KYNU: variants seen among roughly 807,000 people sequenced by gnomAD.
KYNU encodes the protein kynureninase.
A neutral mutation model predicts 59.2 loss-of-function variants in KYNU; 54 were observed. That is an observed-to-expected ratio of 0.91 (90% CI 0.73 to 1.14). The LOEUF (loss-of-function observed/expected upper bound fraction) is 1.14. KYNU is among the 50% of genes most tolerant of loss of function. KYNU has a pLI of 0.00. For missense variants in KYNU, 567 were observed against 554.4 expected (o/e 1.02, Z -0.23); for synonymous variants, 177 against 192.0 (o/e 0.92, Z 0.65).
At chr2:142,935,893 G>A (rs140688738) in intron 4 of KYNU, among the ~76,000 whole-genome samples, 18 of 152,254 alleles carry the variant, frequency 1.2e-4, no homozygotes, top group African/African-American at 3.9e-4. Flanking sequence ...AGGAGAGGGC[G>A]ATGAGGAAGG....
At chr2:142,942,423 C>A (rs1175742137) in intron 4 of KYNU, among the ~76,000 whole-genome samples, 1 of 152,122 alleles carries the variant, frequency 6.6e-6, no homozygotes, top group Non-Finnish European at 1.5e-5. Context: ...TTTTGTATTA[C>A]AATTTATCTG....
intron 1 of KYNU, 117 bp from the exon 2 acceptor site, chr2:142,885,232 T>C (rs1200844484): frequency 1.9e-5 from 15 of 784,394 alleles, no homozygotes; most frequent in Non-Finnish European, 3.0e-5. Context: ...TTAAGTATAT[T>C]ATTCCTGAGG....
At chr2:142,962,862 A>G (rs544358758) in intron 8 of KYNU, among the ~76,000 whole-genome samples, 1 of 152,334 alleles carries the variant, frequency 6.6e-6, no homozygotes, top group African/African-American at 2.4e-5. Context: ...GTAGACTTCG[A>G]TAGGTCTCTC....
chr2:142,939,600 CA>C (rs1306906764), intron 4 of KYNU, among the ~76,000 whole-genome samples: 1 of 29,500 alleles, frequency 3.4e-5, no homozygotes, highest in Non-Finnish European at 5.9e-5. Flanking sequence ...GACTCCATCT[CA>C]CAAAAAAAAA....
intron 10 of KYNU, among the ~76,000 whole-genome samples, chr2:142,987,439 C>G (rs916961850): frequency 1.3e-5 from 2 of 151,910 alleles, no homozygotes; most frequent in Admixed American, 1.3e-4. Flanking sequence ...GGACAAGGAA[C>G]AAGGACAAAG....
chr2:143,023,593 G>A (rs1686468017), intron 10 of KYNU, among the ~76,000 whole-genome samples: 1 of 151,692 alleles, frequency 6.6e-6, no homozygotes, highest in African/African-American at 2.4e-5. Flanking sequence ...GTGTGGTATT[G>A]TGTTATGAAC....
At chr2:142,993,271 T>C in intron 10 of KYNU, among the ~76,000 whole-genome samples, 1 of 152,024 alleles carries the variant, frequency 6.6e-6, no homozygotes, top group Non-Finnish European at 1.5e-5. Context: ...CTTTTTATTC[T>C]CCTCATTAGA....
intron 2 of KYNU, among the ~76,000 whole-genome samples, chr2:142,887,377 A>T (rs1681553473): frequency 6.6e-6 from 1 of 152,188 alleles, no homozygotes; most frequent in Non-Finnish European, 1.5e-5. Flanking sequence ...CAGCCACTGT[A>T]GGAAAGAGTA....
At chr2:142,957,889 C>T (rs351681) in intron 7 of KYNU, 174 bp downstream of exon 7, 25,112 of 576,134 alleles carry the variant, frequency 0.044, 2,201 homozygotes, top group African/African-American at 0.24. Flanking sequence ...GAGAATAACT[C>T]AGATGTGTAT....
chr2:142,890,895 T>C (rs1681689826), intron 2 of KYNU, among the ~76,000 whole-genome samples: 1 of 152,254 alleles, frequency 6.6e-6, no homozygotes, highest in Non-Finnish European at 1.5e-5. Flanking sequence ...TCCTTGGTCA[T>C]TGCTTTCCTT....
At chr2:142,970,247 CT>C (rs1343448380) in intron 8 of KYNU, among the ~76,000 whole-genome samples, 1 of 152,120 alleles carries the variant, frequency 6.6e-6, no homozygotes, top group Non-Finnish European at 1.5e-5. Flanking sequence ...GATAATCTAT[CT>C]TATGGAGGAG....
Position 143,033,293 on chromosome 2 carries a change from T to G in KYNU, c.1013T>G (p.Leu338Trp), listed in dbSNP as rs1311160628. 6.2e-7 allele frequency: 1 copy of G among 1,613,958 alleles called. No individual in the cohort carries two copies. Among genetic ancestry groups the G allele is most frequent in the Admixed American group, 1.7e-5 (1 of 60,016 alleles). The change falls in exon 12 of 14, where the codon TTG becomes TGG. Residue 338 changes from leucine (L) to tryptophan (W), a missense_variant. By Grantham distance (61) the Leu-to-Trp change is moderately conservative (BLOSUM62 -2). Coordinates refer to ENST00000264170, the MANE Select transcript of KYNU (RefSeq NM_003937.3). ...GFRISNPPIL[L>W]VCSLHASLEI... is the part of the protein sequence containing the mutation. Reference sequence around the variant, plus strand: ...CGAATTTCAAATCCTCCCATTTTGTTGGTCTGTTCCTTGCATGCTAGTTTA... The same window carrying G: ...CGAATTTCAAATCCTCCCATTTTGTGGGTCTGTTCCTTGCATGCTAGTTTA...
At chr2:142,894,990 A>G (rs528945629) in intron 2 of KYNU, among the ~76,000 whole-genome samples, 2 of 152,314 alleles carry the variant, frequency 1.3e-5, no homozygotes, top group South Asian at 4.1e-4. Context: ...ATGCTGGACC[A>G]TGATGTTCCC....
At chr2:142,994,755 G>A (rs1178536016) in intron 10 of KYNU, among the ~76,000 whole-genome samples, 1 of 151,972 alleles carries the variant, frequency 6.6e-6, no homozygotes, top group East Asian at 1.9e-4. Context: ...AATCTACAGT[G>A]CCCAAGAAAG....
At chr2:142,981,356 T>G (rs191768590) in intron 8 of KYNU, among the ~76,000 whole-genome samples, 6 of 152,270 alleles carry the variant, frequency 3.9e-5, no homozygotes, top group African/African-American at 1.4e-4. Flanking sequence ...AAAAGTTGCT[T>G]TAATTGGAAA....
rs1687331995 is a variant in KYNU at position 143,055,107 on chromosome 2, G to A, written c.*12935G>A. 6.6e-6 allele frequency: 1 copy of A among 152,008 alleles called. No individual in the cohort carries two copies. The highest frequency in any genetic ancestry group is 6.6e-5 in the Admixed American group (1 of 15,264). The allele number at this position is 152,008 out of a possible 1,614,324, so 9.4% of individuals were successfully genotyped here. A position where few individuals can be genotyped will look rare whatever the true frequency, so the allele number is the denominator to read the frequency against. On this transcript the variant is annotated 3_prime_UTR_variant, in exon 14 of 14. Coordinates refer to ENST00000264170, the MANE Select transcript of KYNU (RefSeq NM_003937.3). ...CTGCAAAATTATAAAAAAGAACGAT[G>A]ACAAACTAAAAAGGTGTAGTATTCT...
At chr2:142,944,942 G>A (rs1193168433) in intron 4 of KYNU, among the ~76,000 whole-genome samples, 1 of 152,166 alleles carries the variant, frequency 6.6e-6, no homozygotes, top group Non-Finnish European at 1.5e-5. Context: ...GTATGCAATA[G>A]CATTGCATCT....
chr2:143,027,058 G>A, intron 10 of KYNU, among the ~76,000 whole-genome samples: 1 of 152,164 alleles, frequency 6.6e-6, no homozygotes, highest in East Asian at 1.9e-4. Flanking sequence ...CTCACTTTGG[G>A]CTGTGGTTTC....
chr2:143,053,191 T>A lies in KYNU; in HGVS notation c.*11019T>A, dbSNP rs1385308068. 6.6e-6 allele frequency: 1 copy of A among 152,272 alleles called. No homozygotes were observed. Among genetic ancestry groups the A allele is most frequent in the African/African-American group, 2.4e-5 (1 of 41,470 alleles). 9.4% of individuals were successfully genotyped at this position (152,272 alleles called of 1,614,324 possible). A position where few individuals can be genotyped will look rare whatever the true frequency, so the allele number is the denominator to read the frequency against. On this transcript the variant is annotated 3_prime_UTR_variant, in exon 14 of 14. Coordinates refer to ENST00000264170, the MANE Select transcript of KYNU (RefSeq NM_003937.3). ...ACCCAATGCCTGTATCCCCATTGTA[T>A]CTAGGAAGTAACTAACTTGCTTTTG... is the stretch of plus-strand genomic sequence containing the variant.
Sources: allele counts gnomAD v4.1 joint callset (sites outside exome capture counted in the v4.1 genomes callset), GRCh38; gene constraint gnomAD v4.1.1; transcripts MANE v1.5; gene names NCBI Gene and HGNC (gene_info 2026-07-23, HGNC 2026-07-21).